DTD1: variants seen among roughly 807,000 people sequenced by gnomAD.
DTD1 encodes the protein D-tyrosyl-tRNA deacylase 1 homolog.
Under a neutral mutation model 25.6 loss-of-function variants are expected in DTD1, and 13 were observed. The observed-to-expected ratio is 0.51, with a 90% CI of 0.33 to 0.81. The LOEUF (loss-of-function observed/expected upper bound fraction) is 0.81. Ranked by LOEUF, DTD1 falls within the 30% of genes least tolerant of loss-of-function variation. DTD1 has a pLI of 0.02. For synonymous variants in DTD1, 110 were observed against 103.6 expected (o/e 1.06, Z -0.37); for missense variants, 193 against 266.4 (o/e 0.72, Z 1.92).
intron 4 of DTD1, among the ~76,000 whole-genome samples, chr20:18,681,949 C>T (rs748323328): frequency 2.9e-4 from 44 of 152,070 alleles, no homozygotes; most frequent in Admixed American, 1.3e-3. Flanking sequence ...GATGTCCTGG[C>T]GATTGTGGCA....
chr20:18,594,974 T>C (rs2036190539), intron 2 of DTD1, among the ~76,000 whole-genome samples: 1 of 152,226 alleles, frequency 6.6e-6, no homozygotes, highest in Non-Finnish European at 1.5e-5. Context: ...TTAGTATTTA[T>C]AGAGTCTTTG....
At chr20:18,615,122 C>T (rs970749469) in intron 3 of DTD1, among the ~76,000 whole-genome samples, 1 of 152,190 alleles carries the variant, frequency 6.6e-6, no homozygotes, top group East Asian at 1.9e-4. Context: ...GAAAGTGGCA[C>T]AGCCTCACTT....
At chr20:18,623,002 C>T (rs1256031244) in intron 3 of DTD1, among the ~76,000 whole-genome samples, 1 of 141,506 alleles carries the variant, frequency 7.1e-6, no homozygotes, top group Non-Finnish European at 1.5e-5. Context: ...TGCAGTGGCG[C>T]GATCTCGGCT....
chr20:18,589,716 C>A (rs899679435), intron 1 of DTD1, among the ~76,000 whole-genome samples: 3 of 152,178 alleles, frequency 2.0e-5, no homozygotes, highest in Non-Finnish European at 2.9e-5. Context: ...ATTTTGATCT[C>A]TCTCCTGAAC....
intron 3 of DTD1, among the ~76,000 whole-genome samples, chr20:18,617,016 C>G (rs966083681): frequency 2.0e-5 from 3 of 152,148 alleles, no homozygotes; most frequent in Non-Finnish European, 2.9e-5. Context: ...CCCCTCCTGT[C>G]CTTATTCTCC....
intron 4 of DTD1, among the ~76,000 whole-genome samples, chr20:18,667,227 G>A (rs977946201): frequency 6.6e-6 from 1 of 152,206 alleles, no homozygotes; most frequent in African/African-American, 2.4e-5. Context: ...TTTCATTAAA[G>A]CAGCCATTCT....
chr20:18,609,093 T>C (rs6045501), intron 3 of DTD1, among the ~76,000 whole-genome samples: 127,328 of 152,036 alleles, frequency 0.84, 54,267 homozygotes, highest in Non-Finnish European at 0.93. Context: ...TTTTCAATGT[T>C]GAACTGCAGT....
At chr20:18,651,213 G>C (rs1467748219) in intron 4 of DTD1, among the ~76,000 whole-genome samples, 1 of 152,226 alleles carries the variant, frequency 6.6e-6, no homozygotes, top group Non-Finnish European at 1.5e-5. Context: ...GTACAGTGGT[G>C]TGATCTTGGC....
At position 18,631,164 on chromosome 20, in the gene DTD1, C is replaced by T. The variant is rs1251782066; in HGVS notation, c.477+2931C>T. On this transcript the variant is annotated intron_variant, in intron 4 of 5. Coordinates refer to ENST00000377452, the MANE Select transcript of DTD1 (RefSeq NM_080820.6). ...TGCTTCTCTATCCCCCTTCTGCCAC[C>T]GTGGTAGCAGAGCTACCCTTTCCTG... 12 of 985,386 alleles carry T rather than the reference C, an allele frequency of 1.2e-5. No homozygotes were observed. The African/African-American group carries it at 1.4e-4, about 11-fold the overall frequency. 61.0% of individuals were successfully genotyped at this position (985,386 alleles called of 1,614,324 possible). A position where few individuals can be genotyped will look rare whatever the true frequency, so the allele number is the denominator to read the frequency against.
At chr20:18,593,870 G>A (rs1337260640) in intron 2 of DTD1, 49 bp downstream of exon 2, 1 of 1,476,466 alleles carries the variant, frequency 6.8e-7, no homozygotes, top group African/African-American at 1.4e-5. Context: ...TGTGGTGGTG[G>A]TCATGCTGGG....
chr20:18,731,977 T>G (rs900853219), intron 4 of DTD1, among the ~76,000 whole-genome samples: 1 of 152,220 alleles, frequency 6.6e-6, no homozygotes, highest in Non-Finnish European at 1.5e-5. Flanking sequence ...TTAGCTCCCA[T>G]GTGGGCTACT....
At chr20:18,628,357 C>T (rs2060768360) in intron 4 of DTD1, 124 bp downstream of exon 4, 1 of 748,324 alleles carries the variant, frequency 1.3e-6, no homozygotes, top group South Asian at 1.8e-5. Flanking sequence ...ATTTTAATAC[C>T]TGCCTTCCCA....
At chr20:18,610,438 C>G (rs564431245) in intron 3 of DTD1, among the ~76,000 whole-genome samples, 13 of 152,054 alleles carry the variant, frequency 8.5e-5, no homozygotes, top group South Asian at 4.2e-4. Flanking sequence ...ATATGAAGTG[C>G]CTGGGGCAAT....
At chr20:18,735,901 C>G (rs1423612583) in intron 4 of DTD1, among the ~76,000 whole-genome samples, 19 of 152,142 alleles carry the variant, frequency 1.2e-4, no homozygotes, top group Non-Finnish European at 1.9e-4. Context: ...TTTTGCTTCT[C>G]TGTGGTGGCA....
intron 4 of DTD1, among the ~76,000 whole-genome samples, chr20:18,640,596 A>G (rs970250671): frequency 4.7e-5 from 7 of 149,718 alleles, no homozygotes; most frequent in Admixed American, 1.3e-4. Context: ...TCACATTGTT[A>G]TGCAACTTTT....
intron 5 of DTD1, among the ~76,000 whole-genome samples, chr20:18,747,252 T>C (rs562493930): frequency 6.6e-6 from 1 of 152,356 alleles, no homozygotes; most frequent in Admixed American, 6.5e-5. Context: ...TCCATCCTGC[T>C]AACTTTTGGG....
At chr20:18,711,726 G>A (rs1355244891) in intron 4 of DTD1, among the ~76,000 whole-genome samples, 1 of 152,056 alleles carries the variant, frequency 6.6e-6, no homozygotes, top group Non-Finnish European at 1.5e-5. Flanking sequence ...GCTTCATTGT[G>A]CTTATTTAGG....
intron 5 of DTD1, among the ~76,000 whole-genome samples, chr20:18,757,194 T>C (rs1310164135): frequency 1.3e-5 from 2 of 152,232 alleles, no homozygotes; most frequent in East Asian, 3.8e-4. Flanking sequence ...GTTTTCTAGA[T>C]ATACAATTCA....
At chr20:18,691,718 A>G (rs779574380) in intron 4 of DTD1, among the ~76,000 whole-genome samples, 18 of 152,216 alleles carry the variant, frequency 1.2e-4, no homozygotes, top group African/African-American at 1.9e-4. Flanking sequence ...GCATCACACA[A>G]TATACCCAGG....
Sources: gnomAD v4.1 joint callset for allele counts (sites outside exome capture counted in the v4.1 genomes callset) on GRCh38, gnomAD v4.1.1 for gene constraint, MANE v1.5 for transcripts, NCBI Gene and HGNC (gene_info 2026-07-23, HGNC 2026-07-21) for gene names.